Variants in CALN1 observed in about 807,000 individuals in gnomAD.
The protein encoded by CALN1 is calcium-binding protein 8.
In CALN1, 17 loss-of-function variants were observed where a neutral mutation model predicts 30.6. That is an observed-to-expected ratio of 0.56 (90% confidence interval 0.38 to 0.83). CALN1 has a LOEUF of 0.83. CALN1 is among the 40% of genes least tolerant of loss of function. CALN1 has a pLI of 0.00. For missense variants in CALN1, 291 were observed against 354.9 expected (o/e 0.82, Z 1.45); for synonymous variants, 156 against 131.4 (o/e 1.19, Z -1.28).
At chr7:72,296,017 T>C (rs1443155965) in intron 2 of CALN1, among the ~76,000 whole-genome samples, 1 of 152,058 alleles carries the variant, frequency 6.6e-6, no homozygotes, top group Non-Finnish European at 1.5e-5. Flanking sequence ...AGATAGCTGT[T>C]ATTATTTTGA....
chr7:72,267,304 C>T lies in CALN1; in HGVS notation c.244+11382G>A, dbSNP rs141918294. 1.5e-3 allele frequency among the ~76,000 whole-genome samples: 226 copies of T among 152,254 alleles called. 1 individual carries two copies. The highest frequency in any genetic ancestry group is 4.6e-3 in the African/African-American group (192 of 41,540). On this transcript the variant is annotated intron_variant, in intron 3 of 6. Transcript: ENST00000395275. ...CCACATGGGTGGCAGGTGGAGAGGG[C>T]CCTCCAGAGCTTACTGCACAGAAAC... is the stretch of plus-strand genomic sequence containing the variant.
At chr7:71,925,915 G>A (rs556696093) in intron 5 of CALN1, among the ~76,000 whole-genome samples, 8 of 152,138 alleles carry the variant, frequency 5.3e-5, no homozygotes, top group South Asian at 4.2e-4. Context: ...GTGCAGTGGC[G>A]CAATCTCAGC....
At chr7:72,287,659 G>A (rs1451746934) in intron 2 of CALN1, among the ~76,000 whole-genome samples, 2 of 151,852 alleles carry the variant, frequency 1.3e-5, no homozygotes, top group African/African-American at 2.4e-5. Context: ...TGTTAGCCAG[G>A]ATGGTCTTGA....
At chr7:72,335,574 CAA>C (rs145356184) in intron 2 of CALN1, among the ~76,000 whole-genome samples, 2,608 of 152,274 alleles carry the variant, frequency 0.017, 68 homozygotes, top group African/African-American at 0.058. Context: ...TCCCTGAGCC[CAA>C]AAAAGTCTCC....
chr7:72,097,926 C>A lies in CALN1; in HGVS notation c.388+8225G>T, dbSNP rs550223743. The stretch of plus-strand genomic sequence containing the variant: ...ATGGGGTTTCACCATATTGGCCAGG[C>A]CGGTCTCAAACTCCTGACCTCAAGT... On this transcript the variant is annotated intron_variant, in intron 4 of 6. Coordinates refer to ENST00000395275, the MANE Select transcript of CALN1 (RefSeq NM_031468.4). Among the ~76,000 whole-genome samples the A allele has an allele frequency of 3.3e-5, 5 of 152,184 alleles. No homozygotes were observed. In the East Asian group the frequency reaches 9.7e-4, roughly 30 times the overall value.
intron 2 of CALN1, among the ~76,000 whole-genome samples, chr7:72,387,540 G>C (rs891326489): frequency 6.6e-6 from 1 of 152,150 alleles, no homozygotes; most frequent in Non-Finnish European, 1.5e-5. Flanking sequence ...CATGTTGACA[G>C]TGTAAGCCTT....
chr7:72,383,088 G>A (rs1018423691), intron 2 of CALN1, among the ~76,000 whole-genome samples: 1 of 152,114 alleles, frequency 6.6e-6, no homozygotes, highest in Non-Finnish European at 1.5e-5. Context: ...GCCCAGCCAG[G>A]ATTTTGTTCT....
intron 5 of CALN1, among the ~76,000 whole-genome samples, chr7:71,897,053 C>G (rs536330009): frequency 2.0e-5 from 3 of 152,226 alleles, no homozygotes; most frequent in African/African-American, 7.2e-5. Context: ...GGGTCATTTG[C>G]TAAAAACAAA....
chr7:72,370,642 G>T (rs1804179410), intron 2 of CALN1, among the ~76,000 whole-genome samples: 1 of 149,404 alleles, frequency 6.7e-6, no homozygotes, highest in Admixed American at 6.7e-5. Flanking sequence ...GGGTGACAGA[G>T]CGAGACTCCG....
intron 6 of CALN1, among the ~76,000 whole-genome samples, chr7:71,806,255 CACACACACACACACAA>C (rs1035027872): frequency 1.4e-5 from 2 of 141,784 alleles, no homozygotes; most frequent in Non-Finnish European, 3.0e-5. Flanking sequence ...CGCATGCACA[CACACACACACACACAA>C]ACACACACAC....
intron 3 of CALN1, among the ~76,000 whole-genome samples, chr7:72,206,050 A>G (rs938519392): frequency 2.0e-5 from 3 of 152,188 alleles, no homozygotes; most frequent in African/African-American, 7.2e-5. Context: ...TTTCATTATT[A>G]GAGTTTTTAA....
At chr7:72,116,466 G>A (rs2129541899) in intron 3 of CALN1, among the ~76,000 whole-genome samples, 1 of 152,312 alleles carries the variant, frequency 6.6e-6, no homozygotes, top group South Asian at 2.1e-4. Context: ...GTGAGATTTA[G>A]AGGCTGAGAG....
chr7:72,444,983 A>G (rs1174796796), intron 1 of CALN1, among the ~76,000 whole-genome samples: 1 of 151,946 alleles, frequency 6.6e-6, no homozygotes, highest in East Asian at 1.9e-4. Context: ...AACTACACAA[A>G]GTTGCCAGAT....
intron 5 of CALN1, among the ~76,000 whole-genome samples, chr7:71,846,283 G>T (rs760883798): frequency 6.6e-6 from 1 of 152,140 alleles, no homozygotes; most frequent in African/African-American, 2.4e-5. Context: ...AATTGTTGCC[G>T]TTCTGATTCT....
chr7:72,288,392 C>G (rs1410302198), intron 2 of CALN1, among the ~76,000 whole-genome samples: 2 of 152,108 alleles, frequency 1.3e-5, no homozygotes, highest in African/African-American at 4.8e-5. Flanking sequence ...GGGGTAGGGG[C>G]TCTTATGACT....
chr7:72,410,170 G>C (rs570245554), intron 1 of CALN1, among the ~76,000 whole-genome samples: 1 of 152,122 alleles, frequency 6.6e-6, no homozygotes, highest in Non-Finnish European at 1.5e-5. Context: ...CCAAAGCTAA[G>C]CCCTGCATTT....
At chr7:72,086,580 C>A (rs949322143) in intron 4 of CALN1, among the ~76,000 whole-genome samples, 3 of 152,002 alleles carry the variant, frequency 2.0e-5, no homozygotes, top group Non-Finnish European at 4.4e-5. Context: ...ACTACCGGCC[C>A]GTGCCACCAT....
Position 72,188,643 on chromosome 7 carries a change from A to G in CALN1, c.245-82349T>C, listed in dbSNP as rs184611604. ...TGGGTGCACCAAAATCCCACAGATC[A>G]CCACTAAAGAACTTACTCACGTAAC... is the stretch of plus-strand genomic sequence containing the variant. On this transcript the variant is annotated intron_variant, in intron 3 of 6. Transcript: ENST00000395275. Among the ~76,000 whole-genome samples, 430 of 152,294 alleles carry G rather than the reference A, an allele frequency of 2.8e-3. 1 individual carries two copies. The highest frequency in any genetic ancestry group is 0.017 in the Middle Eastern group (5 of 294).
chr7:72,255,940 G>A (rs999595283), intron 3 of CALN1, among the ~76,000 whole-genome samples: 1 of 151,552 alleles, frequency 6.6e-6, no homozygotes, highest in Admixed American at 6.6e-5. Context: ...ATGTTGGTCA[G>A]GCTGGTCTCA....
Sources: gnomAD v4.1 joint callset for allele counts (sites outside exome capture counted in the v4.1 genomes callset) on GRCh38, gnomAD v4.1.1 for gene constraint, MANE v1.5 for transcripts, NCBI Gene and HGNC (gene_info 2026-07-23, HGNC 2026-07-21) for gene names.